Variants in AGAP2 observed in about 807,000 individuals in gnomAD.
AGAP2 encodes ArfGAP with GTPase domain, ankyrin repeat and PH domain 2, also known as arf-GAP with GTPase, ANK repeat and PH domain-containing protein 2.
In AGAP2, 32 loss-of-function variants were observed where a neutral mutation model predicts 110.9. That is an observed-to-expected ratio of 0.29 (90% CI 0.22 to 0.39). AGAP2 has a LOEUF of 0.39. Among genes scored for constraint, AGAP2 ranks in the 10% least tolerant of loss-of-function variants. The pLI is 1.00. For synonymous variants in AGAP2, 702 were observed against 713.0 expected (o/e 0.98, Z 0.25); for missense variants, 1,285 against 1,638.5 (o/e 0.78, Z 3.72).
intron 12 of AGAP2, 146 bp downstream of exon 12, chr12:57,730,349 G>A: frequency 8.9e-7 from 1 of 1,121,784 alleles, no homozygotes; most frequent in Non-Finnish European, 1.3e-6. Flanking sequence ...TGATAGACAT[G>A]GTATGATTGA....
intron 16 of AGAP2, 23 bp downstream of exon 16, chr12:57,727,658 C>T (rs779621532): frequency 2.5e-6 from 4 of 1,597,122 alleles, no homozygotes; most frequent in South Asian, 2.2e-5. Flanking sequence ...TCCCTAGCCC[C>T]TCCGCTGCCT....
rs373351956 is a variant in AGAP2, at chr12:57,730,805, A to G, written c.2294T>C (p.Met765Thr). 72 of 1,613,826 alleles carry G rather than the reference A, an allele frequency of 4.5e-5. No homozygotes were observed. The highest frequency in any genetic ancestry group is 8.3e-5 in the Admixed American group (5 of 59,996). ...ACCTTACTCACCCAGGCCTTCACCCATCTGGACAGTGCTCATGTCCTTGAC... is the reference window on the plus strand; with the variant it reads ...ACCTTACTCACCCAGGCCTTCACCCGTCTGGACAGTGCTCATGTCCTTGAC... ...GLVKDMSTVQ[M>T]GEGLEATTPM... The change falls in exon 11 of 19, where the codon ATG becomes ACG. Residue 765 changes from methionine to threonine, a missense_variant. This residue lies in a region of AGAP2 where 135 missense variants were observed against 182.0 expected (regional missense o/e 0.74). Transcript: ENST00000547588.
At chr12:57,730,352 A>G in intron 12 of AGAP2, 143 bp downstream of exon 12, 1 of 1,136,066 alleles carries the variant, frequency 8.8e-7, no homozygotes, top group Non-Finnish European at 1.3e-6. Flanking sequence ...TAGACATGGT[A>G]TGATTGAACT....
chr12:57,731,305 G>T, intron 10 of AGAP2, 61 bp downstream of exon 10: 2 of 1,370,506 alleles, frequency 1.5e-6, no homozygotes, highest in South Asian at 1.2e-5. Flanking sequence ...CAGAGGCATA[G>T]ACAGGTAGAA....
Position 57,726,471 on chromosome 12 carries a change from T to A in AGAP2, c.*81A>T. 1.8e-6 allele frequency: 2 copies of A among 1,129,502 alleles called. No individual in the cohort carries two copies. Among genetic ancestry groups the A allele is most frequent in the Non-Finnish European group, 1.1e-6 (1 of 919,902 alleles). The allele number at this position is 1,129,502 out of a possible 1,614,324, so 70.0% of individuals were successfully genotyped here. A position where few individuals can be genotyped will look rare whatever the true frequency, so the allele number is the denominator to read the frequency against. On this transcript the variant is annotated 3_prime_UTR_variant, in exon 19 of 19. Coordinates refer to ENST00000547588, the MANE Select transcript of AGAP2 (RefSeq NM_001122772.3). This position sits in a 1 kb window ranked among gnomAD's most constrained non-coding sequence, Gnocchi z 5.7. ...GCGGGGTGCGGATCGGAGAGGTGAG[T>A]GGGTGCGTCTGTCCAGCGGTCCGCC...
intron 12 of AGAP2, among the ~76,000 whole-genome samples, chr12:57,730,014 C>A (rs1954853965): frequency 6.6e-6 from 1 of 152,196 alleles, no homozygotes; most frequent in South Asian, 2.1e-4. Flanking sequence ...GGCACTTAAT[C>A]TTCTGAGCCT....
intron 5 of AGAP2, among the ~76,000 whole-genome samples, chr12:57,733,801 G>C (rs561183524): frequency 2.6e-5 from 4 of 152,156 alleles, no homozygotes; most frequent in Admixed American, 1.3e-4. Flanking sequence ...GGCTACTATA[G>C]CTGTCCTTTC....
intron 10 of AGAP2, 52 bp from the exon 11 acceptor site, chr12:57,731,005 C>T (rs1223802835): frequency 3.4e-6 from 5 of 1,461,698 alleles, no homozygotes; most frequent in Non-Finnish European, 3.6e-6. Context: ...CCTTGGTATG[C>T]TGGGAAGCAG....
Position 57,737,558 on chromosome 12 carries a change from G to T in AGAP2, c.689C>A (p.Thr230Asn), listed in dbSNP as rs934598368. 1.8e-5 allele frequency: 28 copies of T among 1,551,240 alleles called. No homozygotes were observed. Among genetic ancestry groups the T allele is most frequent in the Non-Finnish European group, 2.4e-5 (27 of 1,148,200 alleles). Residue 230 changes from threonine (T) to asparagine (N), a missense_variant, in exon 1 of 19, where the codon ACT (threonine) becomes AAT (asparagine). Around this residue, in one of 7 missense-constraint regions of AGAP2, gnomAD observed 844 missense variants for 941.2 expected, o/e 0.90. Coordinates refer to ENST00000547588, the MANE Select transcript of AGAP2 (RefSeq NM_001122772.3). The surrounding 1 kb of genome is among the most constrained non-coding windows in gnomAD (Gnocchi z 5.9). ...RVKGSKSSAG[T>N]GASVSAAATA... ...GGCGGCGGCAGAGACCGAAGCTCCA[G>T]TCCCGGCGCTGCTCTTTGACCCCTT...
Position 57,738,453 on chromosome 12 carries a change from G to A in AGAP2, c.-207C>T. On this transcript the variant is annotated 5_prime_UTR_variant, in exon 1 of 19. Transcript: ENST00000547588. The surrounding 1 kb of genome is among the most constrained non-coding windows in gnomAD (Gnocchi z 6.7). ...GGGGCGCCCCCTCCCCATGCTCCCC[G>A]CCCTGCGCCCCCACCCTCTTGGAGC... is the stretch of plus-strand genomic sequence containing the variant. The A allele has an allele frequency of 1.4e-5, 5 of 350,070 alleles. No homozygotes were observed. Among genetic ancestry groups the A allele is most frequent in the Non-Finnish European group, 1.6e-5 (4 of 249,074 alleles). 21.7% of individuals were successfully genotyped at this position (350,070 alleles called of 1,614,324 possible). A position where few individuals can be genotyped will look rare whatever the true frequency, so the allele number is the denominator to read the frequency against.
Position 57,727,149 on chromosome 12 carries a change from A to G in AGAP2, c.3161T>C (p.Leu1054Pro), listed in dbSNP as rs374959342. Residue 1054 changes from leucine (L) to proline (P), a missense_variant, in exon 18 of 19, where the codon CTG becomes CCG. Physicochemically the swap from Leu to Pro is moderately conservative, Grantham distance 98 (BLOSUM62 -3). Coordinates refer to ENST00000547588, the MANE Select transcript of AGAP2 (RefSeq NM_001122772.3). ...LAPLSTSEEP[L>P]GRQLWAAVQA... ...CACGGCGGCCCACAGCTGGCGGCCCAGCGGCTCCTCCGAGGTGCTCAGCGG... is the reference window on the plus strand; with the variant it reads ...CACGGCGGCCCACAGCTGGCGGCCCGGCGGCTCCTCCGAGGTGCTCAGCGG... The G allele has an allele frequency of 1.2e-6, 2 of 1,605,588 alleles. No homozygotes were observed. Among genetic ancestry groups the G allele is most frequent in the Non-Finnish European group, 1.7e-6 (2 of 1,177,182 alleles).
upstream of AGAP2, among the ~76,000 whole-genome samples, chr12:57,740,432 T>C (rs1955063658): frequency 1.3e-5 from 2 of 152,158 alleles, no homozygotes; most frequent in South Asian, 4.1e-4. Flanking sequence ...TTCCCTCCTT[T>C]GATGGCCTCG....
rs1168093633 is a variant in AGAP2 at position 57,728,095 on chromosome 12, G to C, written c.2618-10C>G. 8 of 1,583,568 alleles carry C rather than the reference G, an allele frequency of 5.1e-6. No individual in the cohort carries two copies. The highest frequency in any genetic ancestry group is 6.0e-6 in the Non-Finnish European group (7 of 1,164,996). ...AACTCAAAGTTTTCCTCTGAGTGGG[G>C]GATGGGATGGGGTCATTAAGGGACA... On this transcript the variant is annotated splice_polypyrimidine_tract_variant and intron_variant, in intron 14 of 18. Transcript: ENST00000547588.
intron 5 of AGAP2, among the ~76,000 whole-genome samples, chr12:57,733,533 C>G (rs553924682): frequency 6.6e-6 from 1 of 152,292 alleles, no homozygotes; most frequent in Non-Finnish European, 1.5e-5. Context: ...AGTCTGGGAG[C>G]CTCTGAGTCA....
At chr12:57,735,523 C>T in intron 1 of AGAP2, 96 bp from the exon 2 acceptor site, 1 of 1,160,534 alleles carries the variant, frequency 8.6e-7, no homozygotes, top group Non-Finnish European at 1.3e-6. Context: ...TTTCCAACCC[C>T]CCCCCAACCC....
chr12:57,730,883 C>T lies in AGAP2; in HGVS notation c.2216G>A (p.Arg739Gln), dbSNP rs1308506450. 8 of 1,609,248 alleles carry T rather than the reference C, an allele frequency of 5.0e-6. No homozygotes were observed. The highest frequency in any genetic ancestry group is 1.7e-5 in the Admixed American group (1 of 59,286). ...AAAGGCAGAGATGGCCCTCGGGGGCCGCTTGCCCGGGACTTTGACTGTTGT... is the reference window on the plus strand; with the variant it reads ...AAAGGCAGAGATGGCCCTCGGGGGCTGCTTGCCCGGGACTTTGACTGTTGT... Reference protein sequence around the residue: ...LRTTVKVPGKRPPRAISAFGP... With the variant: ...LRTTVKVPGKQPPRAISAFGP... Residue 739 changes from arginine (R) to glutamine (Q), a missense_variant, in exon 11 of 19, where the codon CGG becomes CAG. By Grantham distance (43) the Arg-to-Gln change is conservative. Coordinates refer to ENST00000547588, the MANE Select transcript of AGAP2 (RefSeq NM_001122772.3).
At chr12:57,730,262 C>G in intron 12 of AGAP2, 1 of 596,148 alleles carries the variant, frequency 1.7e-6, no homozygotes, top group Non-Finnish European at 2.9e-6. Context: ...ACGGAGAGGT[C>G]AAGTAACTTG....
chr12:57,741,017 A>C (rs1955070786), upstream of AGAP2, among the ~76,000 whole-genome samples: 2 of 152,246 alleles, frequency 1.3e-5, no homozygotes, highest in South Asian at 4.1e-4. Flanking sequence ...TGTTTCCACC[A>C]GACACCTTTC....
upstream of AGAP2, among the ~76,000 whole-genome samples, chr12:57,740,949 CA>C (rs1194733427): frequency 3.3e-5 from 5 of 152,196 alleles, no homozygotes; most frequent in Non-Finnish European, 7.3e-5. Context: ...CCCAGGTAGG[CA>C]GGTAACAATG....
Sources: allele counts gnomAD v4.1 joint callset (sites outside exome capture counted in the v4.1 genomes callset), GRCh38; gene constraint gnomAD v4.1.1; regional missense constraint gnomAD v4.1.1; non-coding constraint Gnocchi (gnomAD v3.1); transcripts MANE v1.5; gene names NCBI Gene and HGNC (gene_info 2026-07-23, HGNC 2026-07-21).